SIRPA: variants seen among roughly 807,000 people sequenced by gnomAD.
SIRPA encodes the protein tyrosine-protein phosphatase non-receptor type substrate 1.
In SIRPA, 9 loss-of-function variants were observed where a neutral mutation model predicts 50.3. That is an observed-to-expected ratio of 0.18 (90% confidence interval 0.11 to 0.31). The LOEUF is 0.31. Among genes scored for constraint, SIRPA ranks in the 10% least tolerant of loss-of-function variants. The probability of loss-of-function intolerance (pLI) is 1.00; values close to 1 mark genes in which losing one functional copy is unlikely to be tolerated. For synonymous variants in SIRPA, 265 were observed against 284.1 expected (o/e 0.93, Z 0.68); for missense variants, 474 against 661.6 (o/e 0.72, Z 3.11).
intron 4 of SIRPA, among the ~76,000 whole-genome samples, chr20:1,923,244 A>G (rs768911159): frequency 1.1e-4 from 16 of 152,348 alleles, no homozygotes; most frequent in South Asian, 2.1e-4. Flanking sequence ...GAGGGTGTCA[A>G]GGTATCATTT....
At position 1,932,189 on chromosome 20, in the gene SIRPA, T is replaced by A. The variant is rs73891841; in HGVS notation, c.1227-2526T>A. Among the ~76,000 whole-genome samples, 29 of 152,328 alleles carry A rather than the reference T, an allele frequency of 1.9e-4. No homozygotes were observed. The highest frequency in any genetic ancestry group is 6.7e-4 in the African/African-American group (28 of 41,584). The stretch of plus-strand genomic sequence containing the variant: ...CAGTTCCTCCCTGTGTGAAGCTCAG[T>A]GTCCGCTGAGGAGACAGGTTACCAG... On this transcript the variant is annotated intron_variant, in intron 6 of 7. Coordinates refer to ENST00000358771, the MANE Select transcript of SIRPA (RefSeq NM_001040023.2). The surrounding 1 kb of genome is among the most constrained non-coding windows in gnomAD (Gnocchi z 6.0).
In SIRPA at chr20:1,939,984, G is replaced by C. The variant is rs1986789491; in HGVS notation, c.*2416G>C. 6.6e-6 allele frequency: 1 copy of C among 152,430 alleles called. No individual in the cohort carries two copies. Among genetic ancestry groups the C allele is most frequent in the Non-Finnish European group, 1.5e-5 (1 of 68,052 alleles). 9.4% of individuals were successfully genotyped at this position (152,430 alleles called of 1,614,324 possible). On this transcript the variant is annotated 3_prime_UTR_variant, in exon 8 of 8. Transcript: ENST00000358771. The surrounding 1 kb of genome is among the most constrained non-coding windows in gnomAD (Gnocchi z 4.7). Reference sequence around the variant, plus strand: ...TGCCCTCCTGCCAAAGCCTGGAAGAGGATTGAATGGACCCCAGGGTTTGGA... The same window carrying C: ...TGCCCTCCTGCCAAAGCCTGGAAGACGATTGAATGGACCCCAGGGTTTGGA...
At chr20:1,923,978 CTGGT>C (rs35923845) in intron 4 of SIRPA, among the ~76,000 whole-genome samples, 52,806 of 149,960 alleles carry the variant, frequency 0.35, 10,043 homozygotes, top group African/African-American at 0.49. Flanking sequence ...AGTTGGTTGG[CTGGT>C]TGGTTGGTTG....
chr20:1,912,312 T>C (rs1984940153), intron 1 of SIRPA, among the ~76,000 whole-genome samples: 1 of 152,212 alleles, frequency 6.6e-6, no homozygotes, highest in South Asian at 2.1e-4. Context: ...TGTGGTGTTA[T>C]TGATAAGGAT....
Position 1,899,087 on chromosome 20 carries a change from C to T in SIRPA, c.79+3561C>T, listed in dbSNP as rs769034557. Among the ~76,000 whole-genome samples the T allele has an allele frequency of 3.3e-5, 5 of 152,004 alleles. No homozygotes were observed. In the East Asian group the frequency reaches 5.8e-4, roughly 18 times the overall value. ...TTTCTTATTTGTAGTCTTGGACTGACGGAAGGTTTCCCCCCTCTCTCTCTC... is the reference window on the plus strand; with the variant it reads ...TTTCTTATTTGTAGTCTTGGACTGATGGAAGGTTTCCCCCCTCTCTCTCTC... On this transcript the variant is annotated intron_variant, in intron 1 of 7. Transcript: ENST00000358771.
chr20:1,906,436 G>A (rs888779208), intron 1 of SIRPA, among the ~76,000 whole-genome samples: 1 of 152,210 alleles, frequency 6.6e-6, no homozygotes, highest in African/African-American at 2.4e-5. Flanking sequence ...GGACATTGAG[G>A]TGGGTAGTAT....
chr20:1,919,442 C>T (rs933369002), intron 2 of SIRPA, among the ~76,000 whole-genome samples: 6 of 152,152 alleles, frequency 3.9e-5, no homozygotes, highest in African/African-American at 7.2e-5. Flanking sequence ...TTCTGAACAA[C>T]GTGCACCCGG....
rs534833169 is a variant in SIRPA, at chr20:1,928,512, C to T, written c.1226+613C>T. On this transcript the variant is annotated intron_variant, in intron 6 of 7. Transcript: ENST00000358771. The surrounding 1 kb of genome is among the most constrained non-coding windows in gnomAD (Gnocchi z 4.9). ...TGATATAGCAGTAAACAAGAATCAG[C>T]CCAGGCTTTCATGGGGCTCAGACGC... is the stretch of plus-strand genomic sequence containing the variant. Among the ~76,000 whole-genome samples the T allele has an allele frequency of 2.0e-5, 3 of 152,302 alleles. No individual in the cohort carries two copies. Among genetic ancestry groups the T allele is most frequent in the African/African-American group, 7.2e-5 (3 of 41,564 alleles).
intron 1 of SIRPA, among the ~76,000 whole-genome samples, chr20:1,904,096 T>G (rs1984399031): frequency 6.6e-6 from 1 of 152,120 alleles, no homozygotes; most frequent in Non-Finnish European, 1.5e-5. Flanking sequence ...CGAGCAAAGC[T>G]TATTCCCTAA....
chr20:1,903,332 AC>A (rs1984352041), intron 1 of SIRPA, among the ~76,000 whole-genome samples: 1 of 152,206 alleles, frequency 6.6e-6, no homozygotes, highest in Admixed American at 6.5e-5. Context: ...GATGGGAAAT[AC>A]CGTTAATCCA....
In SIRPA at chr20:1,895,459, C is replaced by T; in HGVS notation, c.12C>T (p.Ala4=). MEP[A]GPAPGRLGPL... ...CGCAGCCGCGGCCCATGGAGCCCGC[C>T]GGCCCGGCCCCCGGCCGCCTCGGGC... The change falls in exon 1 of 8, where the codon GCC becomes GCT. Residue 4 remains alanine, a synonymous_variant. Transcript: ENST00000358771. 2 of 1,422,350 alleles carry T rather than the reference C, an allele frequency of 1.4e-6. No individual in the cohort carries two copies. The highest frequency in any genetic ancestry group is 1.8e-6 in the Non-Finnish European group (2 of 1,095,174). 88.1% of individuals were successfully genotyped at this position (1,422,350 alleles called of 1,614,324 possible).
At chr20:1,931,457 C>T (rs1252627169) in intron 6 of SIRPA, among the ~76,000 whole-genome samples, 1 of 152,216 alleles carries the variant, frequency 6.6e-6, no homozygotes, top group Non-Finnish European at 1.5e-5. Context: ...TCTTCTTCCC[C>T]AGAGAAACCA....
intron 1 of SIRPA, among the ~76,000 whole-genome samples, chr20:1,899,221 A>G (rs1430338038): frequency 6.6e-6 from 1 of 151,846 alleles, no homozygotes; most frequent in Admixed American, 6.6e-5. Context: ...AAAAAAACAA[A>G]AAAACACAAA....
In SIRPA at chr20:1,927,967, C is replaced by T. The variant is rs1426059883; in HGVS notation, c.1226+68C>T. ...GGTTATTTGACAGCCCCCCAGACTA[C>T]AAAGCATAATCCATGTCCACTGACC... On this transcript the variant is annotated intron_variant, in intron 6 of 7. Transcript: ENST00000358771. The surrounding 1 kb of genome is among the most constrained non-coding windows in gnomAD (Gnocchi z 6.5). 1.5e-6 allele frequency: 2 copies of T among 1,354,270 alleles called. No individual in the cohort carries two copies. The highest frequency in any genetic ancestry group is 1.2e-5 in the South Asian group (1 of 85,810). 83.9% of individuals were successfully genotyped at this position (1,354,270 alleles called of 1,614,324 possible).
chr20:1,920,092 C>T (rs1985558363), intron 2 of SIRPA, among the ~76,000 whole-genome samples: 1 of 152,164 alleles, frequency 6.6e-6, no homozygotes, highest in African/African-American at 2.4e-5. Context: ...GGCCCTGGGC[C>T]TCTCTGAGCT....
chr20:1,895,619 G>C, intron 1 of SIRPA, 93 bp downstream of exon 1: 3 of 975,788 alleles, frequency 3.1e-6, no homozygotes, highest in African/African-American at 3.4e-5. Context: ...CTAATGCCGA[G>C]CAGTAATAGG....
Position 1,908,740 on chromosome 20 carries a change from CCT to C in SIRPA, c.80-6358_80-6357del, listed in dbSNP as rs1205341705. On this transcript the variant is annotated intron_variant, in intron 1 of 7. Coordinates refer to ENST00000358771, the MANE Select transcript of SIRPA (RefSeq NM_001040023.2). ...TCCATTGTACAGCCCTGTACTACATCCTGTGTGCATCCGCTTTAATGTACACT... is the reference window on the plus strand; with the variant it reads ...TCCATTGTACAGCCCTGTACTACATCGTGTGCATCCGCTTTAATGTACACT... Among the ~76,000 whole-genome samples the C allele has an allele frequency of 1.1e-3, 167 of 152,334 alleles. 1 individual carries two copies. The highest frequency in any genetic ancestry group is 3.8e-3 in the African/African-American group (158 of 41,568).
chr20:1,934,060 T>C lies in SIRPA; in HGVS notation c.1227-655T>C, dbSNP rs574124590. Among the ~76,000 whole-genome samples, 26 of 152,222 alleles carry C rather than the reference T, an allele frequency of 1.7e-4. No homozygotes were observed. Among genetic ancestry groups the C allele is most frequent in the Admixed American group, 5.2e-4 (8 of 15,290 alleles). ...TTTGCTATGTTTCCTTCCAGTGTTA[T>C]CCACACATTTTTCATAATTGAGATA... On this transcript the variant is annotated intron_variant, in intron 6 of 7. Coordinates refer to ENST00000358771, the MANE Select transcript of SIRPA (RefSeq NM_001040023.2). This position sits in a 1 kb window ranked among gnomAD's most constrained non-coding sequence, Gnocchi z 4.6.
At chr20:1,915,581 C>T (rs1274588154) in intron 2 of SIRPA, 126 bp downstream of exon 2, 1 of 1,181,150 alleles carries the variant, frequency 8.5e-7, no homozygotes, top group East Asian at 2.4e-5. Context: ...GATGTCTCCC[C>T]CTTTTACAAA....
Sources: gnomAD v4.1 joint callset for allele counts (sites outside exome capture counted in the v4.1 genomes callset) on GRCh38, gnomAD v4.1.1 for gene constraint, Gnocchi (gnomAD v3.1) non-coding constraint, MANE v1.5 for transcripts, NCBI Gene and HGNC (gene_info 2026-07-23, HGNC 2026-07-21) for gene names.